Variants in AKTIP observed in about 807,000 individuals in gnomAD.
AKTIP encodes the protein AKT interacting protein.
A neutral mutation model predicts 39.1 loss-of-function variants in AKTIP; 16 were observed. The ratio of observed to expected loss-of-function variants is 0.41; its 90% CI spans 0.28 to 0.62. The LOEUF (loss-of-function observed/expected upper bound fraction) is 0.62, where lower values mean the gene tolerates loss of function less well. Among genes scored for constraint, AKTIP ranks in the 20% least tolerant of loss-of-function variants. The probability of loss-of-function intolerance (pLI) is 0.32; values close to 1 mark genes in which losing one functional copy is unlikely to be tolerated. For missense variants in AKTIP, 262 were observed against 356.6 expected, an observed-to-expected ratio of 0.73 and a Z score of 2.14; for synonymous variants, 93 against 124.3, an observed-to-expected ratio of 0.75 and a Z score of 1.67.
intron 8 of AKTIP, chr16:53,493,847 TGAAAA>T: frequency 8.7e-6 from 3 of 343,678 alleles, no homozygotes; most frequent in Non-Finnish European, 1.6e-5. Context: ...AACTGCCAGC[TGAAAA>T]GAAGAGTCCT....
chr16:53,502,546 G>A (rs371381481), intron 1 of AKTIP, among the ~76,000 whole-genome samples: 2 of 151,910 alleles, frequency 1.3e-5, no homozygotes, highest in African/African-American at 4.8e-5. Context: ...GAAATTACAC[G>A]TTAAGAGGAG....
intron 3 of AKTIP, among the ~76,000 whole-genome samples, chr16:53,496,523 T>TTTTTTAAAAA (rs1567758508): frequency 7.1e-6 from 1 of 141,764 alleles, no homozygotes. Flanking sequence ...TTTTTTGGTT[T>TTTTTTAAAAA]AAAAAAAAAA....
chr16:53,502,301 G>A (rs1962212942), intron 1 of AKTIP, among the ~76,000 whole-genome samples: 1 of 152,214 alleles, frequency 6.6e-6, no homozygotes, highest in African/African-American at 2.4e-5. Flanking sequence ...CATGTTCTGA[G>A]AGGAATGACA....
Position 53,494,776 on chromosome 16 carries a change from AATTTTG to A in AKTIP, c.415-177_415-172del. ...CTTTTACCATTTTCCTGAAAAACTA[AATTTTG>A]CAATGAAGCGGGGAAAACTCCCTCT... On this transcript the variant is annotated intron_variant, in intron 5 of 9. Coordinates refer to ENST00000394657, the MANE Select transcript of AKTIP (RefSeq NM_022476.4). 4 of 737,182 alleles carry A rather than the reference AATTTTG, an allele frequency of 5.4e-6. No homozygotes were observed. The South Asian group carries it at 6.8e-5, about 12-fold the overall frequency. 45.7% of individuals were successfully genotyped at this position (737,182 alleles called of 1,614,324 possible).
chr16:53,503,268 T>TGCCCC (rs1555573837), upstream of AKTIP: 7 of 39,986 alleles, frequency 1.8e-4, no homozygotes, highest in Non-Finnish European at 3.9e-4. Flanking sequence ...CGCCCTGCCC[T>TGCCCC]GCCCTGCCCT....
At chr16:53,493,073 C>A in intron 8 of AKTIP, 1 of 258,882 alleles carries the variant, frequency 3.9e-6, no homozygotes, top group South Asian at 4.8e-5. Context: ...CTGCTGACTC[C>A]AAGCTCTTTT....
intron 3 of AKTIP, 147 bp downstream of exon 3, chr16:53,498,244 T>C (rs1961959010): frequency 1.2e-6 from 1 of 817,564 alleles, no homozygotes; most frequent in Admixed American, 2.7e-5. Flanking sequence ...CCTATAGTTT[T>C]ATATTTATTA....
At position 53,492,433 on chromosome 16, in the gene AKTIP, T is replaced by C. The variant is rs1961542679; in HGVS notation, c.858A>G (p.Glu286=). The C allele has an allele frequency of 6.2e-7, 1 of 1,612,672 alleles. No homozygotes were observed. Among genetic ancestry groups the C allele is most frequent in the East Asian group, 2.2e-5 (1 of 44,880 alleles). Reference sequence around the variant, plus strand: ...TCTCTTAAGTCGCCACTGTTTTCTCTTCTTTACTGAAAGGCTGTACTGAGC... The same window carrying C: ...TCTCTTAAGTCGCCACTGTTTTCTCCTCTTTACTGAAAGGCTGTACTGAGC... ...KPGSVQPFSK[E]EKTVAT is the part of the protein sequence containing the mutation. Residue 286 remains glutamate, a synonymous_variant, in exon 10 of 10, where the codon GAA becomes GAG. Transcript: ENST00000394657.
Position 53,495,017 on chromosome 16 carries a change from C to A in AKTIP, c.414+56G>T, listed in dbSNP as rs147617292. ...GAAAAGAACCAGGAAAGCTGTAAGC[C>A]CTTTCAGCCCTTCTCGCTGATCCAC... On this transcript the variant is annotated intron_variant, in intron 5 of 9. Transcript: ENST00000394657. 50 of 1,452,970 alleles carry A rather than the reference C, an allele frequency of 3.4e-5. No homozygotes were observed. The East Asian group carries it at 1.1e-3, about 33-fold the overall frequency. 90.0% of individuals were successfully genotyped at this position (1,452,970 alleles called of 1,614,324 possible).
In AKTIP at chr16:53,492,659, GAGTT is replaced by G. The variant is rs201339403; in HGVS notation, c.771+30_771+33del. Reference sequence around the variant, plus strand: ...GAAGACATTTTAGAAAAGAAACAATGAGTTAGCCATTTCATAAGTTGTTATCCAC... The same window carrying G: ...GAAGACATTTTAGAAAAGAAACAATGAGCCATTTCATAAGTTGTTATCCAC... On this transcript the variant is annotated intron_variant, in intron 9 of 9. Coordinates refer to ENST00000394657, the MANE Select transcript of AKTIP (RefSeq NM_022476.4). 8.7e-4 allele frequency: 1,400 copies of G among 1,610,680 alleles called. 16 individuals carry two copies. In the African/African-American group the frequency reaches 0.017, roughly 19 times the overall value.
chr16:53,503,878 A>C (rs1598166788), upstream of AKTIP, among the ~76,000 whole-genome samples: 3 of 152,110 alleles, frequency 2.0e-5, no homozygotes, highest in South Asian at 6.2e-4. Flanking sequence ...AAGGGAGCTC[A>C]GCTCCAAGTG....
chr16:53,493,888 C>A, intron 8 of AKTIP: 1 of 483,206 alleles, frequency 2.1e-6, no homozygotes, highest in Non-Finnish European at 3.7e-6. Flanking sequence ...AAATATATCA[C>A]AAGGATCCCT....
intron 3 of AKTIP, among the ~76,000 whole-genome samples, chr16:53,495,533 C>T (rs114192477): frequency 1.3e-5 from 2 of 152,224 alleles, no homozygotes; most frequent in Non-Finnish European, 2.9e-5. Context: ...GGCCTCATAG[C>T]AGCAGCTCAC....
In AKTIP at chr16:53,491,885, G is replaced by GAACTA. The variant is rs1961496621; in HGVS notation, c.*522_*526dup. 1 of 152,602 alleles carries GAACTA rather than the reference G, an allele frequency of 6.6e-6. No individual in the cohort carries two copies. Among genetic ancestry groups the GAACTA allele is most frequent in the Non-Finnish European group, 1.5e-5 (1 of 68,084 alleles). The allele number at this position is 152,602 out of a possible 1,614,324, so 9.5% of individuals were successfully genotyped here. On this transcript the variant is annotated 3_prime_UTR_variant, in exon 10 of 10. Transcript: ENST00000394657. ...ACAAGTGTTCTGGTTTCTTCTCACT[G>GAACTA]AACTAAAGACATTTCTCAGTGATTT... is the stretch of plus-strand genomic sequence containing the variant.
Position 53,494,619 on chromosome 16 carries a change from AAG to A in AKTIP, c.415-16_415-15del. 6.2e-7 allele frequency: 1 copy of A among 1,612,106 alleles called. No homozygotes were observed. The highest frequency in any genetic ancestry group is 2.2e-5 in the East Asian group (1 of 44,810). On this transcript the variant is annotated splice_polypyrimidine_tract_variant and intron_variant, in intron 5 of 9. Coordinates refer to ENST00000394657, the MANE Select transcript of AKTIP (RefSeq NM_022476.4). Reference sequence around the variant, plus strand: ...GAACACCAAGCGCTGTATTTAAATAAAGAGAGACATGTCCTTTAATGGAAGCA... The same window carrying A: ...GAACACCAAGCGCTGTATTTAAATAAAGAGACATGTCCTTTAATGGAAGCA...
rs975110150 is a variant in AKTIP, at chr16:53,491,513, G to A, written c.*899C>T. ...CAAAGTTACTAGGTAACTTCATATT[G>A]CTGAGAGAAATATGGAACTTACATT... On this transcript the variant is annotated 3_prime_UTR_variant, in exon 10 of 10. Transcript: ENST00000394657. 1 of 152,506 alleles carries A rather than the reference G, an allele frequency of 6.6e-6. No individual in the cohort carries two copies. Among genetic ancestry groups the A allele is most frequent in the African/African-American group, 2.4e-5 (1 of 41,396 alleles). The allele number at this position is 152,506 out of a possible 1,614,324, so 9.4% of individuals were successfully genotyped here. A position where few individuals can be genotyped will look rare whatever the true frequency, so the allele number is the denominator to read the frequency against.
Position 53,494,503 on chromosome 16 carries a change from CTT to C in AKTIP, c.503+12_503+13del. 6.2e-7 allele frequency: 1 copy of C among 1,614,102 alleles called. No individual in the cohort carries two copies. Among genetic ancestry groups the C allele is most frequent in the South Asian group, 1.1e-5 (1 of 91,086 alleles). On this transcript the variant is annotated intron_variant, in intron 6 of 9. Transcript: ENST00000394657. Reference sequence around the variant, plus strand: ...CTGTATTATGTCACTAAAAGAAACACTTTATTTACTTACCTCCATTTTGCAAA... The same window carrying C: ...CTGTATTATGTCACTAAAAGAAACACTATTTACTTACCTCCATTTTGCAAA...
At position 53,500,227 on chromosome 16, in the gene AKTIP, A is replaced by G; in HGVS notation, c.33T>C (p.Ser11=). 1 of 1,611,214 alleles carries G rather than the reference A, an allele frequency of 6.2e-7. No homozygotes were observed. The highest frequency in any genetic ancestry group is 8.5e-7 in the Non-Finnish European group (1 of 1,178,024). MNPFWSMSTS[S]VRKRSEGEEK... ...TATCAACTATACCTACTTTGCGTAC[A>G]GAGCTTGTAGACATGCTCCAGAAAG... Residue 11 remains serine (S), a synonymous_variant, in exon 2 of 10, where the codon TCT becomes TCC. Coordinates refer to ENST00000394657, the MANE Select transcript of AKTIP (RefSeq NM_022476.4).
At chr16:53,503,249 G>A (rs954647641), upstream of AKTIP, 2 of 45,798 alleles carry the variant, frequency 4.4e-5, no homozygotes, top group Non-Finnish European at 1.0e-4. Context: ...TCCCCGCCCC[G>A]CCCCACCCCG....
Sources: allele counts gnomAD v4.1 joint callset (sites outside exome capture counted in the v4.1 genomes callset), GRCh38; gene constraint gnomAD v4.1.1; transcripts MANE v1.5; gene names NCBI Gene and HGNC (gene_info 2026-07-23, HGNC 2026-07-21).